CPNE9: variants seen among roughly 807,000 people sequenced by gnomAD.
The protein encoded by CPNE9 is copine family member 9.
A neutral mutation model predicts 83.0 loss-of-function variants in CPNE9; 59 were observed. The observed-to-expected ratio is 0.71, with a 90% CI of 0.58 to 0.88. CPNE9 has a LOEUF of 0.88. CPNE9 is among the 40% of genes least tolerant of loss of function. CPNE9 has a pLI of 0.00. For missense variants in CPNE9, 619 were observed against 720.8 expected (o/e 0.86, Z 1.62); for synonymous variants, 256 against 273.4 (o/e 0.94, Z 0.63).
At chr3:9,725,506 G>A (rs1215202488) in intron 17 of CPNE9, among the ~76,000 whole-genome samples, 1 of 151,858 alleles carries the variant, frequency 6.6e-6, no homozygotes, top group African/African-American at 2.4e-5. Context: ...CTGCACTCCA[G>A]CCTGGGCAAC....
chr3:9,722,369 A>C (rs1490110076), intron 17 of CPNE9, among the ~76,000 whole-genome samples: 1 of 152,182 alleles, frequency 6.6e-6, no homozygotes, highest in Non-Finnish European at 1.5e-5. Flanking sequence ...TGAGGCATAG[A>C]CTGGCCTCCT....
rs771040328 is a variant in CPNE9 at position 9,706,035 on chromosome 3, C to T, written c.349C>T (p.Gln117Ter). 6.2e-7 allele frequency: 1 copy of T among 1,613,602 alleles called. No homozygotes were observed. The highest frequency in any genetic ancestry group is 1.1e-5 in the South Asian group (1 of 91,078). The change falls in exon 7 of 21, where the codon CAG (glutamine) becomes TAG (stop). Residue 117 changes from glutamine to a stop codon, truncating the protein, a stop_gained. Transcript: ENST00000383832. LOFTEE classifies it high-confidence loss of function. ...FLALGEVIGGQGSRVERTLTG... is the reference protein window; with the variant it reads ...FLALGEVIGG ...GGCCCTGGGAGAGGTGATTGGAGGC[C>T]AGGGCAGCCGAGTAGAGCGAACCCT... is the stretch of plus-strand genomic sequence containing the variant.
Position 9,725,688 on chromosome 3 carries a change from A to ATATG in CPNE9, c.1242-261_1242-260insTATG, listed in dbSNP as rs1559646221. Among the ~76,000 whole-genome samples, 27 of 57,684 alleles carry ATATG rather than the reference A, an allele frequency of 4.7e-4. 1 individual carries two copies. The highest frequency in any genetic ancestry group is 2.8e-3 in the Admixed American group (15 of 5,440). The allele number at this position is 57,684 out of a possible 152,430, so 37.8% of individuals were successfully genotyped here. On this transcript the variant is annotated intron_variant, in intron 17 of 20. Transcript: ENST00000383832. ...TGTATATATATGTGTATATATATATACATATATGTGTATATATGTGTATAT... is the reference window on the plus strand; with the variant it reads ...TGTATATATATGTGTATATATATATATATGCATATATGTGTATATATGTGTATAT...
intron 7 of CPNE9, among the ~76,000 whole-genome samples, chr3:9,710,984 G>C (rs1429589539): frequency 6.6e-6 from 1 of 151,992 alleles, no homozygotes; most frequent in Non-Finnish European, 1.5e-5. Context: ...AGCTATGATT[G>C]TGCCACTGTA....
chr3:9,715,848 G>C, intron 13 of CPNE9, 126 bp from the exon 14 acceptor site: 1 of 763,148 alleles, frequency 1.3e-6, no homozygotes, highest in South Asian at 1.6e-5. Context: ...GGGACTGACT[G>C]GGGGAGCGGG....
At chr3:9,721,551 G>T (rs535784685) in intron 17 of CPNE9, among the ~76,000 whole-genome samples, 21 of 152,212 alleles carry the variant, frequency 1.4e-4, no homozygotes, top group African/African-American at 5.1e-4. Flanking sequence ...CTAGAGGGAG[G>T]GGGTAGGGCA....
At chr3:9,722,160 A>ACCCC (rs60666913) in intron 17 of CPNE9, among the ~76,000 whole-genome samples, 6 of 132,036 alleles carry the variant, frequency 4.5e-5, no homozygotes, top group Non-Finnish European at 9.8e-5. Context: ...CAGGTGATCC[A>ACCCC]CCCCCCCCCG....
intron 17 of CPNE9, among the ~76,000 whole-genome samples, chr3:9,719,088 C>T (rs1385284398): frequency 6.6e-6 from 1 of 151,954 alleles, no homozygotes; most frequent in African/African-American, 2.4e-5. Context: ...CCACCTGCCT[C>T]AGCCTCCCAA....
At chr3:9,720,969 G>C (rs924798979) in intron 17 of CPNE9, among the ~76,000 whole-genome samples, 7 of 152,202 alleles carry the variant, frequency 4.6e-5, no homozygotes, top group Non-Finnish European at 1.5e-5. Flanking sequence ...CTACTTCATA[G>C]GGTTGTTGTG....
At chr3:9,715,936 T>C in intron 13 of CPNE9, 38 bp from the exon 14 acceptor site, 12 of 1,595,220 alleles carry the variant, frequency 7.5e-6, no homozygotes, top group Non-Finnish European at 1.0e-5. Flanking sequence ...CCCAACTGCC[T>C]TTTCCAAAGT....
rs1390612648 is a variant in CPNE9, at chr3:9,727,158, G to A, written c.1448G>A (p.Gly483Glu). ...GATGATGTGCGCGTGTCCTCTAGGGGACGCTACGCAGAGCGGGACATCGTT... is the reference window on the plus strand; with the variant it reads ...GATGATGTGCGCGTGTCCTCTAGGGAACGCTACGCAGAGCGGGACATCGTT... ...DGDDVRVSSRGRYAERDIVQF... is the reference protein window; with the variant it reads ...DGDDVRVSSRERYAERDIVQF... Residue 483 changes from glycine to glutamate, a missense_variant, in exon 20 of 21, where the codon GGA becomes GAA. Coordinates refer to ENST00000383832, the MANE Select transcript of CPNE9 (RefSeq NM_153635.3). 2 of 1,614,066 alleles carry A rather than the reference G, an allele frequency of 1.2e-6. No individual in the cohort carries two copies. The highest frequency in any genetic ancestry group is 2.2e-5 in the East Asian group (1 of 44,888).
chr3:9,707,918 C>G (rs1377198834), intron 7 of CPNE9, among the ~76,000 whole-genome samples: 1 of 151,720 alleles, frequency 6.6e-6, no homozygotes, highest in Admixed American at 6.6e-5. Context: ...GTGGAGGTAT[C>G]AAATGAGTCT....
At chr3:9,728,728 T>C (rs2076804804) in intron 20 of CPNE9, among the ~76,000 whole-genome samples, 1 of 152,150 alleles carries the variant, frequency 6.6e-6, no homozygotes, top group Admixed American at 6.5e-5. Flanking sequence ...TTTCTTTTGT[T>C]TTTTTTCTCC....
At chr3:9,705,333 A>G in intron 4 of CPNE9, 131 bp from the exon 5 acceptor site, 1 of 722,918 alleles carries the variant, frequency 1.4e-6, no homozygotes, top group East Asian at 2.7e-5. Flanking sequence ...CCAAAAGGAG[A>G]CCAAAGCTGA....
At chr3:9,724,415 G>A (rs1334465904) in intron 17 of CPNE9, among the ~76,000 whole-genome samples, 1 of 152,048 alleles carries the variant, frequency 6.6e-6, no homozygotes, top group Admixed American at 6.6e-5. Flanking sequence ...AGAAATGTGG[G>A]GGAGAAGGAA....
intron 16 of CPNE9, 120 bp downstream of exon 16, chr3:9,718,330 A>G: frequency 2.2e-6 from 3 of 1,378,578 alleles, no homozygotes; most frequent in Non-Finnish European, 3.0e-6. Context: ...CTATGAGAGG[A>G]TAGCAGAGCA....
At position 9,725,972 on chromosome 3, in the gene CPNE9, G is replaced by A. The variant is rs1309365550; in HGVS notation, c.1265G>A (p.Gly422Asp). Residue 422 changes from glycine to aspartate, a missense_variant, in exon 18 of 21, where the codon GGC (glycine) becomes GAC (aspartate). Coordinates refer to ENST00000383832, the MANE Select transcript of CPNE9 (RefSeq NM_153635.3). ...VARAAAKISD[G>D]SQYYVLLIIT... ...AGGGCTGCAGCCAAGATCTCTGATG[G>A]CTCCCAGTACTATGTTCTGCTCATC... 2 of 1,613,436 alleles carry A rather than the reference G, an allele frequency of 1.2e-6. No individual in the cohort carries two copies. The highest frequency in any genetic ancestry group is 1.7e-6 in the Non-Finnish European group (2 of 1,179,592).
rs773333474 is a variant in CPNE9 at position 9,705,510 on chromosome 3, C to T, written c.297+10C>T. On this transcript the variant is annotated intron_variant, in intron 5 of 20. Coordinates refer to ENST00000383832, the MANE Select transcript of CPNE9 (RefSeq NM_153635.3). ...CAACATCTCCAAACCGGTGAGCAAA[C>T]GTTTCCTCGAGGGTTGGCGGAGCGC... 43 of 1,458,622 alleles carry T rather than the reference C, an allele frequency of 2.9e-5. No individual in the cohort carries two copies. The highest frequency in any genetic ancestry group is 3.8e-5 in the Admixed American group (2 of 52,072). 90.4% of individuals were successfully genotyped at this position (1,458,622 alleles called of 1,614,324 possible).
At position 9,704,077 on chromosome 3, in the gene CPNE9, C is replaced by T. The variant is rs1395911353; in HGVS notation, c.68+13C>T. 1 of 1,601,790 alleles carries T rather than the reference C, an allele frequency of 6.2e-7. No individual in the cohort carries two copies. Among genetic ancestry groups the T allele is most frequent in the Admixed American group, 1.7e-5 (1 of 59,178 alleles). On this transcript the variant is annotated intron_variant, in intron 1 of 20. Coordinates refer to ENST00000383832, the MANE Select transcript of CPNE9 (RefSeq NM_153635.3). The surrounding 1 kb of genome is among the most constrained non-coding windows in gnomAD (Gnocchi z 7.1). ...CCGTGTCCTGCCGGTGAGCGGGCCGCGCTGGGGAGGGCTTAGGCACTGGCA... is the reference window on the plus strand; with the variant it reads ...CCGTGTCCTGCCGGTGAGCGGGCCGTGCTGGGGAGGGCTTAGGCACTGGCA...
Sources: gnomAD v4.1 joint callset for allele counts (sites outside exome capture counted in the v4.1 genomes callset) on GRCh38, gnomAD v4.1.1 for gene constraint, Gnocchi (gnomAD v3.1) non-coding constraint, MANE v1.5 for transcripts, NCBI Gene and HGNC (gene_info 2026-07-23, HGNC 2026-07-21) for gene names.